The following CSMD1 variants were observed in gnomAD, a reference collection of about 807,000 sequenced individuals.
CSMD1 encodes the protein CUB and sushi domain-containing protein 1.
A neutral mutation model predicts 417.5 loss-of-function variants in CSMD1; 213 were observed. That is an observed-to-expected ratio of 0.51 (90% CI 0.46 to 0.57). The LOEUF is 0.57. CSMD1 is among the 20% of genes least tolerant of loss of function. CSMD1 has a pLI of 0.00. For missense variants in CSMD1, 6,923 were observed against 4,529.7 expected (o/e 1.53, Z -15.17); for synonymous variants, 2,862 against 1,736.8 (o/e 1.65, Z -16.11).
At chr8:3,087,734 G>T (rs1445856251) in intron 48 of CSMD1, among the ~76,000 whole-genome samples, 1 of 152,250 alleles carries the variant, frequency 6.6e-6, no homozygotes, top group Non-Finnish European at 1.5e-5. Context: ...TGCGCTGTAT[G>T]CAGCCCACAG....
chr8:4,628,677 G>A (rs1226630774), intron 2 of CSMD1, among the ~76,000 whole-genome samples: 1 of 151,664 alleles, frequency 6.6e-6, no homozygotes, highest in Non-Finnish European at 1.5e-5. Flanking sequence ...GTTTCTGGAT[G>A]AAGGCAGTAT....
chr8:3,577,906 C>T (rs770586512), intron 9 of CSMD1, among the ~76,000 whole-genome samples: 7 of 152,156 alleles, frequency 4.6e-5, no homozygotes, highest in Non-Finnish European at 8.8e-5. Flanking sequence ...TAAGTTCAGC[C>T]GTGCATGTGT....
chr8:4,479,788 C>A (rs1014131044), intron 2 of CSMD1, among the ~76,000 whole-genome samples: 1 of 151,594 alleles, frequency 6.6e-6, no homozygotes, highest in Non-Finnish European at 1.5e-5. Context: ...ATTAGAGAAA[C>A]CCCGTTCTCT....
At chr8:4,170,406 A>G (rs539154613) in intron 3 of CSMD1, among the ~76,000 whole-genome samples, 2 of 152,042 alleles carry the variant, frequency 1.3e-5, no homozygotes, top group South Asian at 2.1e-4. Flanking sequence ...TGAAAAGCAT[A>G]TGCATGTATA....
rs570149725 is a variant in CSMD1 at position 4,952,834 on chromosome 8, C to G, written c.85+41498G>C. Among the ~76,000 whole-genome samples, 16 of 152,230 alleles carry G rather than the reference C, an allele frequency of 1.1e-4. No individual in the cohort carries two copies. In the East Asian group the frequency reaches 3.1e-3, roughly 29 times the overall value. ...ACAGTAATCAGCGTTTTTAATAACT[C>G]TGACTATATGCAGGTAAGCTTGTTG... On this transcript the variant is annotated intron_variant, in intron 1 of 69. Coordinates refer to ENST00000635120, the MANE Select transcript of CSMD1 (RefSeq NM_033225.6).
At chr8:3,261,895 G>T (rs1261951994) in intron 26 of CSMD1, among the ~76,000 whole-genome samples, 3 of 151,972 alleles carry the variant, frequency 2.0e-5, no homozygotes, top group African/African-American at 7.3e-5. Flanking sequence ...GCAGCCTGTG[G>T]GATCCTATTC....
At chr8:4,434,750 CTT>C (rs1798058117) in intron 2 of CSMD1, among the ~76,000 whole-genome samples, 1 of 152,146 alleles carries the variant, frequency 6.6e-6, no homozygotes, top group African/African-American at 2.4e-5. Flanking sequence ...GGACTTAGCT[CTT>C]AGACTGTCAA....
chr8:3,157,428 G>C (rs776026514), intron 39 of CSMD1, among the ~76,000 whole-genome samples: 1 of 152,132 alleles, frequency 6.6e-6, no homozygotes, highest in Non-Finnish European at 1.5e-5. Flanking sequence ...CCCCAGGAGC[G>C]CATCCACAAG....
chr8:3,556,550 ACC>A (rs1554468413), intron 10 of CSMD1, among the ~76,000 whole-genome samples: 1 of 53,280 alleles, frequency 1.9e-5, no homozygotes, highest in Admixed American at 1.7e-4. Flanking sequence ...ACACACACAC[ACC>A]CTCTCTCTCT....
intron 1 of CSMD1, among the ~76,000 whole-genome samples, chr8:4,951,383 G>T (rs559697180): frequency 1.3e-5 from 2 of 151,080 alleles, no homozygotes; most frequent in Non-Finnish European, 2.9e-5. Context: ...TAGCCAGTCA[G>T]GATCAGAGGT....
At chr8:3,306,837 AATATT>A (rs1330108109) in intron 25 of CSMD1, among the ~76,000 whole-genome samples, 2 of 27,944 alleles carry the variant, frequency 7.2e-5, no homozygotes, top group Non-Finnish European at 8.2e-5. Flanking sequence ...TTACTTTAAA[AATATT>A]ACAGAGCTTA....
chr8:3,938,759 C>G (rs558539401), intron 5 of CSMD1, among the ~76,000 whole-genome samples: 3 of 152,212 alleles, frequency 2.0e-5, no homozygotes, highest in African/African-American at 7.2e-5. Flanking sequence ...ATGTCAAGTG[C>G]CTTTGTTGTT....
intron 3 of CSMD1, among the ~76,000 whole-genome samples, chr8:4,313,097 A>G (rs950574818): frequency 2.6e-5 from 4 of 152,164 alleles, no homozygotes; most frequent in Non-Finnish European, 5.9e-5. Flanking sequence ...ATATAGAAAC[A>G]CAACATTCTT....
At chr8:3,817,767 A>T (rs1801472062) in intron 5 of CSMD1, among the ~76,000 whole-genome samples, 1 of 152,184 alleles carries the variant, frequency 6.6e-6, no homozygotes, top group Admixed American at 6.5e-5. Context: ...GAGGTCTTCC[A>T]AAAGCCCCAA....
chr8:4,925,119 C>G (rs905120242), intron 1 of CSMD1, among the ~76,000 whole-genome samples: 1 of 149,570 alleles, frequency 6.7e-6, no homozygotes, highest in Non-Finnish European at 1.5e-5. Context: ...CATTATAAGT[C>G]TTTCTGAATG....
At chr8:3,271,391 G>A (rs971933457) in intron 26 of CSMD1, among the ~76,000 whole-genome samples, 5 of 151,852 alleles carry the variant, frequency 3.3e-5, no homozygotes, top group Non-Finnish European at 5.9e-5. Flanking sequence ...ATAAACATAC[G>A]TGTACATGTG....
intron 12 of CSMD1, among the ~76,000 whole-genome samples, chr8:3,441,223 C>G (rs1369524526): frequency 1.3e-5 from 2 of 152,068 alleles, no homozygotes; most frequent in Admixed American, 6.6e-5. Flanking sequence ...CATGGCTTTG[C>G]TGACACCTTG....
At chr8:3,045,338 G>T (rs73488434) in intron 50 of CSMD1, among the ~76,000 whole-genome samples, 15,172 of 152,038 alleles carry the variant, frequency 0.1, 2,292 homozygotes, top group African/African-American at 0.32. Context: ...TTTGTTAATT[G>T]TTGTCATTGT....
chr8:4,868,055 C>G (rs1445831556), intron 1 of CSMD1, among the ~76,000 whole-genome samples: 1 of 152,024 alleles, frequency 6.6e-6, no homozygotes, highest in East Asian at 1.9e-4. Flanking sequence ...CCCTGGATCT[C>G]TACTTTGTCT....
Sources: gnomAD v4.1 joint callset for allele counts (sites outside exome capture counted in the v4.1 genomes callset) on GRCh38, gnomAD v4.1.1 for gene constraint, MANE v1.5 for transcripts, NCBI Gene and HGNC (gene_info 2026-07-23, HGNC 2026-07-21) for gene names.